The following KLHL5 variants were observed in gnomAD, a reference collection of about 807,000 sequenced individuals.
The protein encoded by KLHL5 is kelch-like protein 5.
KLHL5 carries 48 observed loss-of-function variants against 77.7 expected under a neutral mutation model. The observed-to-expected ratio is 0.62, with a 90% CI of 0.49 to 0.79. KLHL5 has a LOEUF of 0.79. Among genes scored for constraint, KLHL5 ranks in the 30% least tolerant of loss-of-function variants. KLHL5 has a pLI of 0.00. For synonymous variants in KLHL5, 260 were observed against 297.0 expected, an observed-to-expected ratio of 0.88 and a Z score of 1.28; for missense variants, 723 against 859.7, an observed-to-expected ratio of 0.84 and a Z score of 1.99.
Position 39,121,202 on chromosome 4 carries a change from G to T in KLHL5, c.*136G>T. The T allele has an allele frequency of 1.4e-6, 1 of 700,898 alleles. No individual in the cohort carries two copies. Among genetic ancestry groups the T allele is most frequent in the Non-Finnish European group, 2.5e-6 (1 of 403,670 alleles). 43.4% of individuals were successfully genotyped at this position (700,898 alleles called of 1,614,324 possible). A position where few individuals can be genotyped will look rare whatever the true frequency, so the allele number is the denominator to read the frequency against. ...ACAAAGTGCCTGATGTCAAAATGAA[G>T]ATAGTAAAACAAGGGAGGAAGCAGT... On this transcript the variant is annotated 3_prime_UTR_variant, in exon 11 of 11. Transcript: ENST00000504108.
the KLHL5 span, among the ~76,000 whole-genome samples, chr4:39,135,964 A>C: frequency 6.6e-6 from 1 of 151,340 alleles, no homozygotes; most frequent in East Asian, 1.9e-4. Context: ...CCGAATTATG[A>C]TATGGTCCAA....
chr4:39,105,095 C>T (rs1340268040), intron 7 of KLHL5, among the ~76,000 whole-genome samples: 2 of 151,930 alleles, frequency 1.3e-5, no homozygotes, highest in Non-Finnish European at 2.9e-5. Flanking sequence ...TTCCTTTTAT[C>T]TCTTCATATG....
At chr4:39,065,355 AT>A (rs35238432) in intron 1 of KLHL5, among the ~76,000 whole-genome samples, 81,461 of 126,418 alleles carry the variant, frequency 0.64, 24,838 homozygotes, top group East Asian at 0.76. Context: ...ACATTCATCA[AT>A]TTTTTTTTTT....
intron 1 of KLHL5, among the ~76,000 whole-genome samples, chr4:39,072,704 CCTT>C (rs1355928425): frequency 6.6e-6 from 1 of 152,200 alleles, no homozygotes; most frequent in Non-Finnish European, 1.5e-5. Context: ...ACCAATACCT[CCTT>C]AATTCTCTTT....
the KLHL5 span, among the ~76,000 whole-genome samples, chr4:39,139,753 G>A: frequency 1.3e-4 from 20 of 152,182 alleles, no homozygotes; most frequent in African/African-American, 2.9e-4. Context: ...ATGAGAGGAC[G>A]CAATAGTATC....
intron 7 of KLHL5, among the ~76,000 whole-genome samples, chr4:39,105,372 C>T (rs1388188821): frequency 1.3e-5 from 2 of 151,904 alleles, no homozygotes; most frequent in African/African-American, 4.8e-5. Context: ...ATCTCAAACT[C>T]CTGGGCTCAA....
chr4:39,113,108 G>A lies in KLHL5; in HGVS notation c.1777G>A (p.Ala593Thr), dbSNP rs749928381. The change falls in exon 9 of 11, where the codon GCA becomes ACA. Residue 593 changes from alanine (A) to threonine (T), a missense_variant. Around this residue, in one of 3 missense-constraint regions of KLHL5, gnomAD observed 214 missense variants for 237.4 expected, o/e 0.90. Transcript: ENST00000504108. ...TCATACTAATAAGTGGACACTGTGT[G>A]CACAGATGTCAAAAAGGAGAGGTGG... ...DPHTNKWTLCAQMSKRRGGVG... is the reference protein window; with the variant it reads ...DPHTNKWTLCTQMSKRRGGVG... The A allele has an allele frequency of 1.9e-6, 3 of 1,613,828 alleles. No homozygotes were observed. The highest frequency in any genetic ancestry group is 2.5e-6 in the Non-Finnish European group (3 of 1,179,860).
rs928764429 is a variant in KLHL5, at chr4:39,122,654, TA to T, written c.*1597del. Among the ~76,000 whole-genome samples the T allele has an allele frequency of 4.7e-5, 7 of 150,262 alleles. No individual in the cohort carries two copies. Among genetic ancestry groups the T allele is most frequent in the African/African-American group, 1.5e-4 (6 of 40,866 alleles). ...CCCCGTCTCTACTAAAAATAAAAAA[TA>T]AAAAAAAATTAGCCAGGCGTGGTGG... On this transcript the variant is annotated 3_prime_UTR_variant, in exon 11 of 11. Transcript: ENST00000504108.
At chr4:39,068,255 A>T (rs1312427806) in intron 1 of KLHL5, among the ~76,000 whole-genome samples, 1 of 151,964 alleles carries the variant, frequency 6.6e-6, no homozygotes, top group Non-Finnish European at 1.5e-5. Context: ...GTTCAGTTTT[A>T]AATTAAATTC....
chr4:39,126,214 GAT>G lies in KLHL5; in HGVS notation c.*5151_*5152del, dbSNP rs1426493266. Among the ~76,000 whole-genome samples the G allele has an allele frequency of 6.6e-6, 1 of 151,982 alleles. No homozygotes were observed. The highest frequency in any genetic ancestry group is 1.5e-5 in the Non-Finnish European group (1 of 68,018). On this transcript the variant is annotated 3_prime_UTR_variant, in exon 11 of 11. Coordinates refer to ENST00000504108, the MANE Select transcript of KLHL5 (RefSeq NM_015990.5). ...CACAAAAACAAATATTCAATAAAAT[GAT>G]ATTTAATTTCACTGTGACTAGATAA...
At chr4:39,072,402 T>C (rs1442275642) in intron 1 of KLHL5, among the ~76,000 whole-genome samples, 1 of 152,136 alleles carries the variant, frequency 6.6e-6, no homozygotes, top group Non-Finnish European at 1.5e-5. Flanking sequence ...AAATAACTTG[T>C]CCAGAATTAT....
Position 39,062,428 on chromosome 4 carries a change from A to G in KLHL5, c.-225A>G. Reference sequence around the variant, plus strand: ...ATGAGAGTTTGCTCTGATTGAACGGAATGTTCCACCGTGTTTCATCTTTAT... The same window carrying G: ...ATGAGAGTTTGCTCTGATTGAACGGGATGTTCCACCGTGTTTCATCTTTAT... On this transcript the variant is annotated 5_prime_UTR_variant, in exon 1 of 11. Coordinates refer to ENST00000504108, the MANE Select transcript of KLHL5 (RefSeq NM_015990.5). 1 of 1,508,120 alleles carries G rather than the reference A, an allele frequency of 6.6e-7. No individual in the cohort carries two copies. Among genetic ancestry groups the G allele is most frequent in the Non-Finnish European group, 8.8e-7 (1 of 1,135,736 alleles). The allele number at this position is 1,508,120 out of a possible 1,614,324, so 93.4% of individuals were successfully genotyped here.
At chr4:39,139,449 A>G in the KLHL5 span, among the ~76,000 whole-genome samples, 1 of 152,148 alleles carries the variant, frequency 6.6e-6, no homozygotes, top group Admixed American at 6.5e-5. Flanking sequence ...ACTATTCTGT[A>G]TGACACTATA....
intron 6 of KLHL5, 40 bp from the exon 7 acceptor site, chr4:39,103,247 A>G (rs1721753252): frequency 1.5e-6 from 2 of 1,369,802 alleles, no homozygotes. Flanking sequence ...CAATCATGGT[A>G]TAATTTCTAT....
chr4:39,096,984 CAG>C (rs1721125235), intron 6 of KLHL5, 106 bp downstream of exon 6: 2 of 912,334 alleles, frequency 2.2e-6, no homozygotes, highest in African/African-American at 3.4e-5. Context: ...GGCTGCAGGA[CAG>C]GGGCAGAAAA....
intron 5 of KLHL5, chr4:39,093,053 G>A (rs1459928523): frequency 6.6e-6 from 3 of 455,212 alleles, no homozygotes; most frequent in African/African-American, 2.0e-5. Flanking sequence ...GGACATAAAC[G>A]TTCTTGGCAG....
At position 39,076,377 on chromosome 4, in the gene KLHL5, G is replaced by A. The variant is rs182269548; in HGVS notation, c.566+230G>A. On this transcript the variant is annotated intron_variant, in intron 2 of 10. Coordinates refer to ENST00000504108, the MANE Select transcript of KLHL5 (RefSeq NM_015990.5). ...AACAAAACATACTAGCCTCATATAA[G>A]TTGGTATTGTTCGGTGTAGATTGCA... is the stretch of plus-strand genomic sequence containing the variant. Among the ~76,000 whole-genome samples, 168 of 152,222 alleles carry A rather than the reference G, an allele frequency of 1.1e-3. 3 individuals are homozygous for A. The South Asian group carries it at 0.03, about 27-fold the overall frequency.
intron 1 of KLHL5, 35 bp downstream of exon 1, chr4:39,063,070 G>A: frequency 6.6e-7 from 1 of 1,522,894 alleles, no homozygotes; most frequent in South Asian, 1.2e-5. Flanking sequence ...AAAGGGGTGT[G>A]GGGGTATGGC....
intron 2 of KLHL5, among the ~76,000 whole-genome samples, chr4:39,076,482 T>C (rs1259311478): frequency 1.3e-5 from 2 of 152,150 alleles, no homozygotes; most frequent in Non-Finnish European, 2.9e-5. Flanking sequence ...AGTTTGTGGA[T>C]ATTTAGAAGA....
Sources: allele counts gnomAD v4.1 joint callset (sites outside exome capture counted in the v4.1 genomes callset), GRCh38; gene constraint gnomAD v4.1.1; regional missense constraint gnomAD v4.1.1; transcripts MANE v1.5; gene names NCBI Gene and HGNC (gene_info 2026-07-23, HGNC 2026-07-21).